The following GALNT14 variants were observed in gnomAD, a reference collection of about 807,000 sequenced individuals.
The protein encoded by GALNT14 is polypeptide N-acetylgalactosaminyltransferase 14, also known as UDP-GalNAc:polypeptide N-acetylgalactosaminyltransferase 14.
Under a neutral mutation model 77.5 loss-of-function variants are expected in GALNT14, and 60 were observed. The ratio of observed to expected loss-of-function variants is 0.77; its 90% confidence interval spans 0.63 to 0.96. The LOEUF is 0.96. Ranked by LOEUF, GALNT14 falls within the 40% of genes least tolerant of loss-of-function variation. GALNT14 has a pLI of 0.00. For synonymous variants in GALNT14, 280 were observed against 281.7 expected (o/e 0.99, Z 0.06); for missense variants, 710 against 731.0 (o/e 0.97, Z 0.33).
At chr2:30,891,286 C>T in the GALNT14 span, among the ~76,000 whole-genome samples, 28 of 152,228 alleles carry the variant, frequency 1.8e-4, no homozygotes, top group African/African-American at 6.3e-4. Flanking sequence ...GAAGAGATTA[C>T]GGGCTTTCCT....
At chr2:30,924,469 G>A (rs183377105) in intron 12 of GALNT14, among the ~76,000 whole-genome samples, 2 of 152,300 alleles carry the variant, frequency 1.3e-5, no homozygotes, top group East Asian at 1.9e-4. Flanking sequence ...AGTACCTGCA[G>A]TGAAGCTGGT....
chr2:31,049,058 T>C (rs1260134222), intron 1 of GALNT14, among the ~76,000 whole-genome samples: 1 of 152,236 alleles, frequency 6.6e-6, no homozygotes, highest in Non-Finnish European at 1.5e-5. Context: ...CCTCCCTTTC[T>C]TGCCTTGCAA....
intron 4 of GALNT14, among the ~76,000 whole-genome samples, chr2:30,957,024 A>G (rs963768537): frequency 6.6e-6 from 1 of 151,812 alleles, no homozygotes; most frequent in Admixed American, 6.6e-5. Context: ...TGTCCCTGTT[A>G]CTCCCTGGCT....
In GALNT14 at chr2:31,130,328, G is replaced by C. The variant is rs140970537; in HGVS notation, c.129+7630C>G. Among the ~76,000 whole-genome samples, 259 of 152,298 alleles carry C rather than the reference G, an allele frequency of 1.7e-3. 1 individual carries two copies. Among genetic ancestry groups the C allele is most frequent in the African/African-American group, 5.8e-3 (240 of 41,566 alleles). The stretch of plus-strand genomic sequence containing the variant: ...TGTCCAGAGCGGTGCTCTCAGAGGT[G>C]GCTGCTCCTGACCTTGGGGCCTGCA... On this transcript the variant is annotated intron_variant, in intron 1 of 14. Coordinates refer to ENST00000349752, the MANE Select transcript of GALNT14 (RefSeq NM_024572.4).
intron 9 of GALNT14, among the ~76,000 whole-genome samples, chr2:30,934,118 G>A (rs1335050347): frequency 6.6e-6 from 1 of 152,222 alleles, no homozygotes; most frequent in Admixed American, 6.5e-5. Context: ...AAGTCCCACT[G>A]TACAGAGGGA....
At chr2:30,897,114 G>GC in the GALNT14 span, among the ~76,000 whole-genome samples, 9 of 152,142 alleles carry the variant, frequency 5.9e-5, no homozygotes, top group Admixed American at 3.9e-4. Flanking sequence ...AGCTTTACCT[G>GC]CCCCCCACTT....
intron 1 of GALNT14, among the ~76,000 whole-genome samples, chr2:31,137,469 G>A (rs920501374): frequency 3.3e-5 from 5 of 152,200 alleles, no homozygotes; most frequent in African/African-American, 4.8e-5. Flanking sequence ...CCGGGAGGCT[G>A]CAAGGCGCTC....
chr2:30,946,400 G>A (rs1666699930), intron 6 of GALNT14, among the ~76,000 whole-genome samples: 1 of 152,158 alleles, frequency 6.6e-6, no homozygotes, highest in Admixed American at 6.5e-5. Context: ...TGCTGTTCTG[G>A]TGATAGCGAG....
At chr2:30,993,516 G>A (rs1669840850) in intron 1 of GALNT14, among the ~76,000 whole-genome samples, 1 of 152,212 alleles carries the variant, frequency 6.6e-6, no homozygotes, top group Non-Finnish European at 1.5e-5. Flanking sequence ...CTCTGCTGTA[G>A]AAGGGCCAGC....
rs149563091 is a variant in GALNT14 at position 30,976,295 on chromosome 2, A to G, written c.300-9993T>C. 2.0e-5 allele frequency among the ~76,000 whole-genome samples: 3 copies of G among 152,326 alleles called. No individual in the cohort carries two copies. In the East Asian group the frequency reaches 5.8e-4, roughly 29 times the overall value. On this transcript the variant is annotated intron_variant, in intron 2 of 14. Coordinates refer to ENST00000349752, the MANE Select transcript of GALNT14 (RefSeq NM_024572.4). Reference sequence around the variant, plus strand: ...ACTCGTGCAATCTGGGCTCAGAAGGACCACATGACTTAAAGAACGTAGACT... The same window carrying G: ...ACTCGTGCAATCTGGGCTCAGAAGGGCCACATGACTTAAAGAACGTAGACT...
chr2:30,971,085 A>G (rs776538698), intron 2 of GALNT14, among the ~76,000 whole-genome samples: 7 of 152,172 alleles, frequency 4.6e-5, no homozygotes, highest in Non-Finnish European at 1.0e-4. Flanking sequence ...CCAAGGACCA[A>G]GGGATGAGCA....
At chr2:31,114,839 A>G (rs1573368977) in intron 1 of GALNT14, 1 of 716,814 alleles carries the variant, frequency 1.4e-6, no homozygotes, top group Non-Finnish European at 2.6e-6. Flanking sequence ...TAAGTCCCAA[A>G]GATAAGGAGA....
intron 1 of GALNT14, among the ~76,000 whole-genome samples, chr2:31,021,988 G>A (rs1671749201): frequency 1.3e-5 from 2 of 152,216 alleles, no homozygotes; most frequent in Non-Finnish European, 2.9e-5. Flanking sequence ...AAGGAGGTAA[G>A]TTGTGTATGC....
At chr2:31,035,569 ATGTGTG>A (rs1168590695) in intron 1 of GALNT14, among the ~76,000 whole-genome samples, 1 of 128,162 alleles carries the variant, frequency 7.8e-6, no homozygotes, top group Non-Finnish European at 1.6e-5. Flanking sequence ...GTGTGTGTGT[ATGTGTG>A]TGTGTGTGTG....
the GALNT14 span, among the ~76,000 whole-genome samples, chr2:30,891,442 T>A: frequency 6.6e-6 from 1 of 152,044 alleles, no homozygotes; most frequent in Non-Finnish European, 1.5e-5. Flanking sequence ...GCTCAGAAAC[T>A]GAATGTGATA....
At chr2:31,040,427 T>C (rs757667175) in intron 1 of GALNT14, among the ~76,000 whole-genome samples, 2 of 151,746 alleles carry the variant, frequency 1.3e-5, no homozygotes, top group Non-Finnish European at 2.9e-5. Context: ...AAGGAGGGAG[T>C]AGGTCTTGAG....
At chr2:31,125,989 C>A (rs192665241) in intron 1 of GALNT14, among the ~76,000 whole-genome samples, 3 of 152,184 alleles carry the variant, frequency 2.0e-5, no homozygotes, top group African/African-American at 7.2e-5. Flanking sequence ...AAATGTGATA[C>A]TTTGGAGACT....
intron 1 of GALNT14, among the ~76,000 whole-genome samples, chr2:31,058,851 G>A (rs72854858): frequency 0.017 from 2,524 of 152,220 alleles, 69 homozygotes; most frequent in African/African-American, 0.056. Context: ...TGCCAAATAC[G>A]AGAACCAGGC....
chr2:31,070,576 C>G (rs1675302688), intron 1 of GALNT14, among the ~76,000 whole-genome samples: 1 of 152,204 alleles, frequency 6.6e-6, no homozygotes, highest in Admixed American at 6.5e-5. Flanking sequence ...TCGGCGTGCC[C>G]AAGGGGAGGC....
Sources: gnomAD v4.1 joint callset for allele counts (sites outside exome capture counted in the v4.1 genomes callset) on GRCh38, gnomAD v4.1.1 for gene constraint, MANE v1.5 for transcripts, NCBI Gene and HGNC (gene_info 2026-07-23, HGNC 2026-07-21) for gene names.